USP43: variants seen among roughly 807,000 people sequenced by gnomAD.
The protein encoded by USP43 is ubiquitin carboxyl-terminal hydrolase 43.
Under a neutral mutation model 90.7 loss-of-function variants are expected in USP43, and 33 were observed. The observed-to-expected ratio is 0.36, with a 90% confidence interval of 0.28 to 0.49. The LOEUF is 0.49. USP43 is among the 20% of genes least tolerant of loss of function. The pLI is 0.98. For synonymous variants in USP43, 598 were observed against 615.8 expected (o/e 0.97, Z 0.43); for missense variants, 1,274 against 1,476.4 (o/e 0.86, Z 2.25).
intron 12 of USP43, among the ~76,000 whole-genome samples, chr17:9,708,296 G>T (rs1916001073): frequency 6.6e-6 from 1 of 152,164 alleles, no homozygotes; most frequent in Non-Finnish European, 1.5e-5. Context: ...AAGCAGAGGA[G>T]TGAAGACATA....
chr17:9,650,997 C>T (rs1045459653), intron 1 of USP43, among the ~76,000 whole-genome samples: 1 of 152,160 alleles, frequency 6.6e-6, no homozygotes, highest in Non-Finnish European at 1.5e-5. Flanking sequence ...CCCTTCCCCT[C>T]GAGTCACCAA....
chr17:9,720,199 G>A (rs552451249), intron 14 of USP43, among the ~76,000 whole-genome samples: 279 of 151,766 alleles, frequency 1.8e-3, no homozygotes, highest in African/African-American at 6.1e-3. Flanking sequence ...GGTGGTGTGT[G>A]CCTGTAGTCC....
chr17:9,676,773 C>T lies in USP43; in HGVS notation c.861C>T (p.Pro287=), dbSNP rs772596055. ...TCTTGAGTGTCACCTTGGTCTTCCCCTCTAAGAGCCAGCGGTTCCTGCGGG... is the reference window on the plus strand; with the variant it reads ...TCTTGAGTGTCACCTTGGTCTTCCCTTCTAAGAGCCAGCGGTTCCTGCGGG... ...TRFLSVTLVF[P]SKSQRFLRVG... The change falls in exon 5 of 15, where the codon CCC becomes CCT. Residue 287 remains proline, a synonymous_variant. Transcript: ENST00000285199. The T allele has an allele frequency of 6.2e-7, 1 of 1,613,936 alleles. No individual in the cohort carries two copies. The highest frequency in any genetic ancestry group is 1.1e-5 in the South Asian group (1 of 91,038).
chr17:9,714,142 G>A (rs761316904), intron 14 of USP43, among the ~76,000 whole-genome samples: 39 of 152,208 alleles, frequency 2.6e-4, no homozygotes, highest in Admixed American at 3.3e-4. Context: ...GCGGTAATGC[G>A]AGTGATGGGG....
chr17:9,664,237 C>G (rs1261317418), intron 2 of USP43, among the ~76,000 whole-genome samples: 1 of 152,188 alleles, frequency 6.6e-6, no homozygotes, highest in Admixed American at 6.5e-5. Flanking sequence ...TTACGTTGTA[C>G]TAAATTTGCT....
At chr17:9,724,087 G>A (rs1043182737) in intron 14 of USP43, among the ~76,000 whole-genome samples, 28 of 152,246 alleles carry the variant, frequency 1.8e-4, no homozygotes, top group East Asian at 1.4e-3. Flanking sequence ...CCCCTCATGC[G>A]TGTTGCTGTT....
At chr17:9,712,785 TTTTGTTTG>T (rs144240199) in intron 14 of USP43, among the ~76,000 whole-genome samples, 52,467 of 151,376 alleles carry the variant, frequency 0.35, 10,150 homozygotes, top group African/African-American at 0.54. Flanking sequence ...GGAGAGGTGT[TTTTGTTTG>T]TTTGTTTGTT....
In USP43 at chr17:9,674,928, A is replaced by C; in HGVS notation, c.778A>C (p.Asn260His). 1 of 1,614,042 alleles carries C rather than the reference A, an allele frequency of 6.2e-7. No individual in the cohort carries two copies. Among genetic ancestry groups the C allele is most frequent in the Non-Finnish European group, 8.5e-7 (1 of 1,179,898 alleles). ...TTGTCCCCACTGCCTGAAACAGAGC[A>C]ACACCTTTGATCCTTTCCTGTGTGT... ...LTCPHCLKQSNTFDPFLCVSL... is the reference protein window; with the variant it reads ...LTCPHCLKQSHTFDPFLCVSL... The change falls in exon 4 of 15, where the codon AAC becomes CAC. Residue 260 changes from asparagine (N) to histidine (H), a missense_variant. Asn to His is a moderately conservative substitution (Grantham distance 68, BLOSUM62 1). Coordinates refer to ENST00000285199, the MANE Select transcript of USP43 (RefSeq NM_153210.5). The surrounding 1 kb of genome is among the most constrained non-coding windows in gnomAD (Gnocchi z 4.4).
intron 2 of USP43, among the ~76,000 whole-genome samples, chr17:9,663,306 T>C (rs538233781): frequency 6.6e-6 from 1 of 151,704 alleles, no homozygotes; most frequent in East Asian, 1.9e-4. Context: ...TGTTCTTTTT[T>C]TTTTTTTTTG....
rs1337860804 is a variant in USP43, at chr17:9,729,604, CTA to C, written c.*616_*617del. The C allele has an allele frequency of 6.6e-6, 1 of 151,660 alleles. No individual in the cohort carries two copies. Among genetic ancestry groups the C allele is most frequent in the Non-Finnish European group, 1.5e-5 (1 of 67,944 alleles). 9.4% of individuals were successfully genotyped at this position (151,660 alleles called of 1,614,324 possible). A position where few individuals can be genotyped will look rare whatever the true frequency, so the allele number is the denominator to read the frequency against. Reference sequence around the variant, plus strand: ...GTTTTTCAAGGTATTTTAAAAATAACTATTTTGATACTAGAAAAAAAGTCCAT... The same window carrying C: ...GTTTTTCAAGGTATTTTAAAAATAACTTTTGATACTAGAAAAAAAGTCCAT... On this transcript the variant is annotated 3_prime_UTR_variant, in exon 15 of 15. Transcript: ENST00000285199.
Position 9,701,711 on chromosome 17 carries a change from C to A in USP43, c.2011+11C>A. The stretch of plus-strand genomic sequence containing the variant: ...GTGGGCATTACACAGGTGAGCCTTG[C>A]CTTGCCTTTCTGCAAATGCAGCTGT... On this transcript the variant is annotated intron_variant, in intron 12 of 14. Coordinates refer to ENST00000285199, the MANE Select transcript of USP43 (RefSeq NM_153210.5). This position sits in a 1 kb window ranked among gnomAD's most constrained non-coding sequence, Gnocchi z 7.2. 6.6e-7 allele frequency: 1 copy of A among 1,512,632 alleles called. No individual in the cohort carries two copies. Among genetic ancestry groups the A allele is most frequent in the Admixed American group, 2.1e-5 (1 of 47,770 alleles). The allele number at this position is 1,512,632 out of a possible 1,614,324, so 93.7% of individuals were successfully genotyped here.
chr17:9,680,187 T>G (rs754819931), intron 5 of USP43, 44 bp from the exon 6 acceptor site: 7 of 1,601,482 alleles, frequency 4.4e-6, no homozygotes, highest in Non-Finnish European at 6.0e-6. Flanking sequence ...TCTGTTGATT[T>G]CTCTTTCAGA....
At chr17:9,722,534 C>T (rs902950655) in intron 14 of USP43, among the ~76,000 whole-genome samples, 7 of 152,094 alleles carry the variant, frequency 4.6e-5, no homozygotes, top group South Asian at 2.1e-4. Flanking sequence ...GTTGCTGATG[C>T]GAGCGAGTCG....
intron 3 of USP43, among the ~76,000 whole-genome samples, chr17:9,671,235 C>T (rs138751255): frequency 3.9e-5 from 6 of 152,200 alleles, no homozygotes; most frequent in African/African-American, 1.2e-4. Flanking sequence ...GCAAGTCTAA[C>T]GACCAACGAT....
intron 14 of USP43, among the ~76,000 whole-genome samples, chr17:9,725,570 T>C (rs1159753153): frequency 6.6e-6 from 1 of 152,194 alleles, no homozygotes; most frequent in East Asian, 1.9e-4. Context: ...CTGTCTCAGA[T>C]CCTGTTATCC....
intron 12 of USP43, among the ~76,000 whole-genome samples, chr17:9,704,425 C>T (rs1444777141): frequency 1.3e-5 from 2 of 152,158 alleles, no homozygotes; most frequent in East Asian, 3.9e-4. Flanking sequence ...GCCCCAGCCT[C>T]CTGAGTACTT....
At chr17:9,675,756 G>T (rs1913731177) in intron 4 of USP43, among the ~76,000 whole-genome samples, 1 of 152,170 alleles carries the variant, frequency 6.6e-6, no homozygotes, top group Non-Finnish European at 1.5e-5. Flanking sequence ...ATTGTGTGCT[G>T]CTGATCTTCT....
At chr17:9,671,597 C>T (rs945741730) in intron 3 of USP43, among the ~76,000 whole-genome samples, 3 of 152,146 alleles carry the variant, frequency 2.0e-5, no homozygotes, top group Admixed American at 1.3e-4. Flanking sequence ...CAAACCGCAG[C>T]CCTGAGTTTT....
rs1420471196 is a variant in USP43 at position 9,729,515 on chromosome 17, AGAGATGG to A, written c.*531_*537del. The A allele has an allele frequency of 6.6e-6, 1 of 151,832 alleles. No individual in the cohort carries two copies. The highest frequency in any genetic ancestry group is 6.6e-5 in the Admixed American group (1 of 15,246). The allele number at this position is 151,832 out of a possible 1,614,324, so 9.4% of individuals were successfully genotyped here. A position where few individuals can be genotyped will look rare whatever the true frequency, so the allele number is the denominator to read the frequency against. On this transcript the variant is annotated 3_prime_UTR_variant, in exon 15 of 15. Coordinates refer to ENST00000285199, the MANE Select transcript of USP43 (RefSeq NM_153210.5). ...ATGGTAAGGCAAGATTCTAGCAAAG[AGAGATGG>A]GAGATAAATGGCTGAGAGTTCAGGT...
Sources: allele counts gnomAD v4.1 joint callset (sites outside exome capture counted in the v4.1 genomes callset), GRCh38; gene constraint gnomAD v4.1.1; non-coding constraint Gnocchi (gnomAD v3.1); transcripts MANE v1.5; gene names NCBI Gene and HGNC (gene_info 2026-07-23, HGNC 2026-07-21).